The following PSD3 variants were observed in gnomAD, a reference collection of about 807,000 sequenced individuals.
PSD3 encodes pleckstrin and Sec7 domain containing 3, also known as PH and SEC7 domain-containing protein 3.
PSD3 carries 49 observed loss-of-function variants against 105.5 expected under a neutral mutation model. The observed-to-expected ratio is 0.46, with a 90% CI of 0.37 to 0.59. The LOEUF is 0.59. PSD3 is among the 20% of genes least tolerant of loss of function. The probability of loss-of-function intolerance (pLI) is 0.00; values close to 1 mark genes in which losing one functional copy is unlikely to be tolerated. For synonymous variants in PSD3, 557 were observed against 457.8 expected, an observed-to-expected ratio of 1.22 and a Z score of -2.77; for missense variants, 1,561 against 1,263.8, an observed-to-expected ratio of 1.24 and a Z score of -3.57.
chr8:18,839,881 G>C (rs536382939), intron 4 of PSD3, among the ~76,000 whole-genome samples: 4 of 152,280 alleles, frequency 2.6e-5, no homozygotes, highest in Non-Finnish European at 5.9e-5. Flanking sequence ...ACTGACAAAT[G>C]TGGTAGTTAC....
At chr8:18,981,620 GAATATCAC>G (rs1825257781) in intron 1 of PSD3, among the ~76,000 whole-genome samples, 1 of 151,722 alleles carries the variant, frequency 6.6e-6, no homozygotes, top group Non-Finnish European at 1.5e-5. Flanking sequence ...ACAATACAGT[GAATATCAC>G]AATAAAGCAA....
chr8:18,951,906 T>C (rs1432986660), intron 1 of PSD3, among the ~76,000 whole-genome samples: 8 of 151,816 alleles, frequency 5.3e-5, no homozygotes, highest in African/African-American at 1.9e-4. Flanking sequence ...GAAGCGGAGG[T>C]TGCAGTGAGC....
intron 9 of PSD3, among the ~76,000 whole-genome samples, chr8:18,679,855 A>G (rs565677425): frequency 1.3e-4 from 20 of 152,352 alleles, no homozygotes; most frequent in African/African-American, 4.8e-4. Context: ...ACTGAATAAA[A>G]GCTTTAAACG....
chr8:18,613,189 G>C (rs13259762), intron 11 of PSD3, among the ~76,000 whole-genome samples: 44,093 of 151,918 alleles, frequency 0.29, 6,767 homozygotes, highest in South Asian at 0.46. Flanking sequence ...CTGACGAAAT[G>C]CCGCCTTCAA....
chr8:18,625,992 G>A (rs1290304357), intron 11 of PSD3, among the ~76,000 whole-genome samples: 1 of 151,986 alleles, frequency 6.6e-6, no homozygotes, highest in Admixed American at 6.6e-5. Context: ...AGCTTATACT[G>A]AATTTTGTTT....
rs73591574 is a variant in PSD3 at position 18,698,087 on chromosome 8, C to A, written c.2173-42402G>T. 6.5e-3 allele frequency among the ~76,000 whole-genome samples: 983 copies of A among 152,122 alleles called. 9 individuals carry two copies. Among genetic ancestry groups the A allele is most frequent in the African/African-American group, 0.023 (940 of 41,508 alleles). Reference sequence around the variant, plus strand: ...TTACCCTGGGTTGTCTCAGTGGGCACACAGGATGTATTTTTGTTTTGTTTT... The same window carrying A: ...TTACCCTGGGTTGTCTCAGTGGGCAAACAGGATGTATTTTTGTTTTGTTTT... On this transcript the variant is annotated intron_variant, in intron 9 of 15. Coordinates refer to ENST00000327040, the MANE Select transcript of PSD3 (RefSeq NM_015310.4).
At chr8:18,554,675 G>T (rs747971883) in intron 15 of PSD3, among the ~76,000 whole-genome samples, 10 of 152,092 alleles carry the variant, frequency 6.6e-5, no homozygotes, top group African/African-American at 9.7e-5. Context: ...GCCTGGAAAT[G>T]AACTTAGGCT....
chr8:18,831,535 A>T (rs1195245003), intron 4 of PSD3, among the ~76,000 whole-genome samples: 3 of 152,184 alleles, frequency 2.0e-5, no homozygotes, highest in African/African-American at 7.2e-5. Flanking sequence ...CAGCCTGGCC[A>T]ACATGGTGAA....
intron 2 of PSD3, among the ~76,000 whole-genome samples, chr8:18,900,820 C>A (rs992152067): frequency 1.3e-5 from 2 of 151,950 alleles, no homozygotes; most frequent in Non-Finnish European, 2.9e-5. Context: ...TAATACAACA[C>A]ATAATTTACT....
intron 11 of PSD3, among the ~76,000 whole-genome samples, chr8:18,620,040 G>C (rs1336830635): frequency 6.6e-6 from 1 of 152,126 alleles, no homozygotes; most frequent in East Asian, 1.9e-4. Flanking sequence ...CCACCCATGA[G>C]GCTGCTTCTA....
intron 2 of PSD3, among the ~76,000 whole-genome samples, chr8:18,902,826 C>T (rs918905395): frequency 3.3e-5 from 5 of 152,166 alleles, no homozygotes; most frequent in Admixed American, 2.0e-4. Flanking sequence ...TGTAGATGTT[C>T]GTGGCAGTGG....
intron 1 of PSD3, among the ~76,000 whole-genome samples, chr8:19,058,135 C>T (rs1056436441): frequency 1.3e-5 from 2 of 152,126 alleles, no homozygotes; most frequent in African/African-American, 4.8e-5. Flanking sequence ...CATGAAATAA[C>T]TTGGTTGAAT....
At chr8:19,055,381 G>A (rs573194590) in intron 1 of PSD3, among the ~76,000 whole-genome samples, 15 of 151,188 alleles carry the variant, frequency 9.9e-5, no homozygotes, top group African/African-American at 3.2e-4. Context: ...AGCCTCCCAC[G>A]TAGCTGGGGT....
Position 18,872,545 on chromosome 8 carries a change from C to T in PSD3, c.319G>A (p.Val107Ile), listed in dbSNP as rs1407756285. ...CTGACATCTTTTGGTCCTTCTGTAA[C>T]ACTGTCGAGCCCAGAGTGGCAGCCA... The part of the protein sequence containing the change: ...LTGCHSGLDS[V>I]TEGPKDVREA... The change falls in exon 3 of 16, where the codon GTT (valine) becomes ATT (isoleucine). Residue 107 changes from valine to isoleucine, a missense_variant. By Grantham distance (29) the Val-to-Ile change is conservative. Transcript: ENST00000327040. 4 of 1,614,018 alleles carry T rather than the reference C, an allele frequency of 2.5e-6. No homozygotes were observed. Among genetic ancestry groups the T allele is most frequent in the South Asian group, 1.1e-5 (1 of 91,044 alleles).
intron 9 of PSD3, among the ~76,000 whole-genome samples, chr8:18,737,403 C>T (rs1010816681): frequency 2.6e-5 from 4 of 152,144 alleles, no homozygotes; most frequent in African/African-American, 9.7e-5. Context: ...ATGGCTCATG[C>T]AGCCTTGGCT....
intron 2 of PSD3, among the ~76,000 whole-genome samples, chr8:18,874,097 A>G (rs1355607900): frequency 6.6e-6 from 1 of 152,172 alleles, no homozygotes; most frequent in Admixed American, 6.5e-5. Context: ...TGCTGGAAAT[A>G]CAGTGTACTC....
chr8:18,695,954 T>C (rs1465741889), intron 9 of PSD3, among the ~76,000 whole-genome samples: 1 of 152,208 alleles, frequency 6.6e-6, no homozygotes, highest in East Asian at 1.9e-4. Context: ...ACGGGGGGAA[T>C]GCACATTCCT....
At chr8:19,004,725 A>G (rs1826569110) in intron 1 of PSD3, among the ~76,000 whole-genome samples, 1 of 152,072 alleles carries the variant, frequency 6.6e-6, no homozygotes, top group Admixed American at 6.6e-5. Flanking sequence ...AACTCCCACA[A>G]TTCCCATGTG....
At chr8:18,658,393 C>G (rs57123296) in intron 9 of PSD3, among the ~76,000 whole-genome samples, 487 of 152,302 alleles carry the variant, frequency 3.2e-3, no homozygotes, top group African/African-American at 0.011. Flanking sequence ...TTATCTCTAA[C>G]CTGGCAGTCA....
Sources: gnomAD v4.1 joint callset for allele counts (sites outside exome capture counted in the v4.1 genomes callset) on GRCh38, gnomAD v4.1.1 for gene constraint, MANE v1.5 for transcripts, NCBI Gene and HGNC (gene_info 2026-07-23, HGNC 2026-07-21) for gene names.